Variants in RAD51B observed in about 807,000 individuals in gnomAD.
RAD51B encodes RAD51 paralog B.
A neutral mutation model predicts 42.2 loss-of-function variants in RAD51B; 38 were observed. The ratio of observed to expected loss-of-function variants is 0.90; its 90% CI spans 0.70 to 1.18. The LOEUF is 1.18. RAD51B is among the 50% of genes most tolerant of loss of function. RAD51B has a pLI of 0.00. For synonymous variants in RAD51B, 154 were observed against 145.2 expected (o/e 1.06, Z -0.43); for missense variants, 373 against 400.7 (o/e 0.93, Z 0.59).
chr14:68,395,379 G>A (rs113476735), intron 8 of RAD51B, among the ~76,000 whole-genome samples: 1 of 152,148 alleles, frequency 6.6e-6, no homozygotes, highest in Non-Finnish European at 1.5e-5. Context: ...TGTGGAGGGG[G>A]TAGTCTTTTG....
chr14:68,201,357 A>G (rs1566724938), intron 7 of RAD51B, among the ~76,000 whole-genome samples: 2 of 152,256 alleles, frequency 1.3e-5, no homozygotes, highest in Non-Finnish European at 2.9e-5. Context: ...TCTTAGTGAT[A>G]TTTCTGGAAA....
At chr14:68,606,713 A>G (rs1044981757) in intron 10 of RAD51B, among the ~76,000 whole-genome samples, 1 of 152,150 alleles carries the variant, frequency 6.6e-6, no homozygotes, top group Non-Finnish European at 1.5e-5. Flanking sequence ...TTAGACGAAA[A>G]CCTAGGCACA....
intron 7 of RAD51B, among the ~76,000 whole-genome samples, chr14:68,126,756 G>A (rs952641222): frequency 1.3e-5 from 2 of 152,264 alleles, no homozygotes; most frequent in South Asian, 4.1e-4. Context: ...TGAGGCCCTT[G>A]AGTATTTGAA....
At chr14:68,170,769 A>G (rs1260194386) in intron 7 of RAD51B, among the ~76,000 whole-genome samples, 1 of 152,234 alleles carries the variant, frequency 6.6e-6, no homozygotes, top group Non-Finnish European at 1.5e-5. Flanking sequence ...TAACCATTCT[A>G]GATGTTGGAC....
chr14:68,490,090 A>G (rs1883942735), intron 10 of RAD51B, among the ~76,000 whole-genome samples: 1 of 152,198 alleles, frequency 6.6e-6, no homozygotes, highest in East Asian at 1.9e-4. Flanking sequence ...TCAAGTGTGG[A>G]TGGTTGCCTT....
chr14:67,940,570 T>C (rs1239073211), intron 7 of RAD51B, among the ~76,000 whole-genome samples: 2 of 152,192 alleles, frequency 1.3e-5, no homozygotes, highest in African/African-American at 2.4e-5. Flanking sequence ...TTGTGTCCCA[T>C]AAGGTTCCAT....
chr14:68,106,823 C>T (rs2077384055), intron 7 of RAD51B, among the ~76,000 whole-genome samples: 3 of 151,794 alleles, frequency 2.0e-5, no homozygotes, highest in African/African-American at 7.2e-5. Context: ...CATTGAACAC[C>T]TTTTATGCCC....
chr14:68,011,283 T>C lies in RAD51B; in HGVS notation c.756+124079T>C, dbSNP rs147680753. ...ACTTGTTATTTTTTACTTACGTAAA[T>C]TTATTTACTTTTACATTCCTGGTCA... On this transcript the variant is annotated intron_variant, in intron 7 of 10. Transcript: ENST00000471583. 3.6e-4 allele frequency among the ~76,000 whole-genome samples: 55 copies of C among 152,204 alleles called. 1 individual carries two copies. In the East Asian group the frequency reaches 0.01, roughly 28 times the overall value.
At chr14:67,940,054 A>ATATTAGTTTTTTTTT (rs2045136393) in intron 7 of RAD51B, among the ~76,000 whole-genome samples, 1 of 14,546 alleles carries the variant, frequency 6.9e-5, no homozygotes, top group African/African-American at 2.3e-4. Flanking sequence ...ATATATATAT[A>ATATTAGTTTTTTTTT]TTTTTTTTTT....
chr14:68,209,888 G>T (rs574768976), intron 7 of RAD51B, among the ~76,000 whole-genome samples: 1 of 151,880 alleles, frequency 6.6e-6, no homozygotes, highest in Non-Finnish European at 1.5e-5. Flanking sequence ...ATGAGCACAC[G>T]ATCTTTTTCC....
chr14:67,887,238 C>G, intron 7 of RAD51B, 34 bp downstream of exon 7: 2 of 1,519,028 alleles, frequency 1.3e-6, no homozygotes, highest in Non-Finnish European at 9.0e-7. Context: ...TTTTCTTTTC[C>G]TTTCTTTTGT....
chr14:68,016,803 A>G (rs1595262379), intron 7 of RAD51B, among the ~76,000 whole-genome samples: 2 of 152,318 alleles, frequency 1.3e-5, no homozygotes, highest in South Asian at 2.1e-4. Context: ...GTTGGAAGCA[A>G]CCTAATTGTT....
intron 8 of RAD51B, among the ~76,000 whole-genome samples, chr14:68,321,345 C>A (rs1044088889): frequency 6.6e-6 from 1 of 152,210 alleles, no homozygotes; most frequent in Admixed American, 6.5e-5. Context: ...TTCTAACCCA[C>A]CTTCCCACTT....
intron 10 of RAD51B, among the ~76,000 whole-genome samples, chr14:68,644,225 C>A (rs1407337541): frequency 6.6e-6 from 1 of 152,240 alleles, no homozygotes; most frequent in Non-Finnish European, 1.5e-5. Context: ...CTAATTCATA[C>A]AATGAGCTCA....
At chr14:68,583,449 CA>C (rs1320594531) in intron 10 of RAD51B, among the ~76,000 whole-genome samples, 5 of 152,230 alleles carry the variant, frequency 3.3e-5, no homozygotes, top group Non-Finnish European at 7.3e-5. Flanking sequence ...TTGAAAGTTA[CA>C]AATCAAGCTA....
At chr14:68,531,534 TATTC>T (rs1364904002) in intron 10 of RAD51B, among the ~76,000 whole-genome samples, 1 of 152,076 alleles carries the variant, frequency 6.6e-6, no homozygotes, top group Non-Finnish European at 1.5e-5. Flanking sequence ...GAAAAGATAA[TATTC>T]ATGAACCTAT....
intron 9 of RAD51B, among the ~76,000 whole-genome samples, chr14:68,431,128 T>C (rs1038016105): frequency 2.0e-5 from 3 of 152,196 alleles, no homozygotes; most frequent in African/African-American, 2.4e-5. Flanking sequence ...ATAAGCTTTT[T>C]GATGTGCTGC....
rs115718145 is a variant in RAD51B at position 68,083,894 on chromosome 14, C to T, written c.756+196690C>T. Reference sequence around the variant, plus strand: ...TGAACTATATTAACTTACTCTACAACTCGATAACCAACATTATGGTTGGTT... The same window carrying T: ...TGAACTATATTAACTTACTCTACAATTCGATAACCAACATTATGGTTGGTT... On this transcript the variant is annotated intron_variant, in intron 7 of 10. Transcript: ENST00000471583. 5.8e-3 allele frequency among the ~76,000 whole-genome samples: 882 copies of T among 152,234 alleles called. 9 individuals carry two copies. The highest frequency in any genetic ancestry group is 0.02 in the African/African-American group (835 of 41,522).
chr14:67,951,844 C>T (rs1595157102), intron 7 of RAD51B, among the ~76,000 whole-genome samples: 1 of 152,248 alleles, frequency 6.6e-6, no homozygotes. Flanking sequence ...CACATTTTTT[C>T]TTCTGCCTTA....
Sources: allele counts gnomAD v4.1 joint callset (sites outside exome capture counted in the v4.1 genomes callset), GRCh38; gene constraint gnomAD v4.1.1; transcripts MANE v1.5; gene names NCBI Gene and HGNC (gene_info 2026-07-23, HGNC 2026-07-21).